Variants in RBMS3 observed in about 807,000 individuals in gnomAD.
RBMS3 encodes RNA binding motif single stranded interacting protein 3.
Under a neutral mutation model 66.8 loss-of-function variants are expected in RBMS3, and 27 were observed. The ratio of observed to expected loss-of-function variants is 0.40; its 90% CI spans 0.30 to 0.56. The LOEUF is 0.56. Among genes scored for constraint, RBMS3 ranks in the 20% least tolerant of loss-of-function variants. The pLI, the probability that RBMS3 is intolerant of heterozygous loss-of-function variation, is 0.40. For synonymous variants in RBMS3, 188 were observed against 183.0 expected, an observed-to-expected ratio of 1.03 and a Z score of -0.22; for missense variants, 513 against 549.5, an observed-to-expected ratio of 0.93 and a Z score of 0.66.
chr3:29,662,332 G>A (rs139197482), intron 4 of RBMS3, among the ~76,000 whole-genome samples: 180 of 152,196 alleles, frequency 1.2e-3, no homozygotes, highest in African/African-American at 4.1e-3. Context: ...CCTGTTTATA[G>A]ACACTGAAAA....
At chr3:29,626,147 A>G (rs2049054267) in intron 4 of RBMS3, among the ~76,000 whole-genome samples, 1 of 152,230 alleles carries the variant, frequency 6.6e-6, no homozygotes, top group Non-Finnish European at 1.5e-5. Context: ...ACAATGCATC[A>G]TGTAGTAAAA....
At chr3:29,456,714 T>G (rs1051102363) in intron 2 of RBMS3, among the ~76,000 whole-genome samples, 2 of 144,268 alleles carry the variant, frequency 1.4e-5, no homozygotes, top group Non-Finnish European at 3.1e-5. Context: ...CATGAGTACT[T>G]GTGGGAACTA....
intron 3 of RBMS3, among the ~76,000 whole-genome samples, chr3:29,558,195 A>T (rs970055910): frequency 1.3e-5 from 2 of 152,230 alleles, no homozygotes; most frequent in African/African-American, 4.8e-5. Context: ...AACAGAAGAA[A>T]GTAATAAAAG....
At chr3:29,837,959 C>T (rs1231624680) in intron 6 of RBMS3, among the ~76,000 whole-genome samples, 1 of 151,188 alleles carries the variant, frequency 6.6e-6, no homozygotes, top group Non-Finnish European at 1.5e-5. Context: ...GCTTATGTTA[C>T]AGAGTAGGTT....
chr3:29,821,173 G>C (rs764136689), intron 6 of RBMS3, among the ~76,000 whole-genome samples: 42 of 152,202 alleles, frequency 2.8e-4, no homozygotes, highest in Non-Finnish European at 5.0e-4. Context: ...TTTAGAGTAA[G>C]TTTTCATATA....
chr3:29,899,217 A>G (rs1339820211), intron 9 of RBMS3, among the ~76,000 whole-genome samples: 2 of 151,638 alleles, frequency 1.3e-5, no homozygotes, highest in East Asian at 3.9e-4. Context: ...AACTGCCCCA[A>G]ATTTTTGGTT....
chr3:29,915,105 T>C (rs1179436630), intron 10 of RBMS3, among the ~76,000 whole-genome samples: 2 of 151,770 alleles, frequency 1.3e-5, no homozygotes, highest in African/African-American at 4.8e-5. Flanking sequence ...TTATAAACCC[T>C]ACACTATTAT....
chr3:29,847,644 TA>T lies in RBMS3; in HGVS notation c.638-21213del, dbSNP rs368902294. Among the ~76,000 whole-genome samples, 995 of 148,538 alleles carry T rather than the reference TA, an allele frequency of 6.7e-3. 17 individuals are homozygous for T. The highest frequency in any genetic ancestry group is 0.037 in the Admixed American group (559 of 15,192). On this transcript the variant is annotated intron_variant, in intron 6 of 14. Coordinates refer to ENST00000383767, the MANE Select transcript of RBMS3 (RefSeq NM_001003793.3). ...TCTGGGCCACTCCAATTTTGTGTTT[TA>T]TTTTTTTTTTTTTATTTTTTATTTT...
chr3:29,542,367 T>TG lies in RBMS3; in HGVS notation c.308-44747_308-44746insG, dbSNP rs796870116. 9.6e-4 allele frequency among the ~76,000 whole-genome samples: 146 copies of TG among 152,010 alleles called. 1 individual carries two copies. Among genetic ancestry groups the TG allele is most frequent in the African/African-American group, 3.4e-3 (141 of 41,362 alleles). On this transcript the variant is annotated intron_variant, in intron 3 of 14. Transcript: ENST00000383767. ...TCAAGAATTATCATCTCCAATTTTT[T>TG]TTTGTTTGTTTGAGAAAGAGTCTCA...
chr3:29,463,545 C>T (rs542629012), intron 2 of RBMS3, among the ~76,000 whole-genome samples: 5 of 148,460 alleles, frequency 3.4e-5, no homozygotes, highest in Non-Finnish European at 5.9e-5. Context: ...CATGGTCCTT[C>T]GGTTACAAAA....
intron 3 of RBMS3, among the ~76,000 whole-genome samples, chr3:29,542,889 T>C (rs2045817766): frequency 6.6e-6 from 1 of 152,222 alleles, no homozygotes. Flanking sequence ...TAAAATACTG[T>C]TCACCATCCT....
At chr3:29,893,430 G>A (rs752292633) in intron 8 of RBMS3, among the ~76,000 whole-genome samples, 12 of 151,340 alleles carry the variant, frequency 7.9e-5, no homozygotes, top group African/African-American at 2.2e-4. Context: ...TCCAATTGGC[G>A]CATTTTACAA....
intron 4 of RBMS3, among the ~76,000 whole-genome samples, chr3:29,611,727 T>C (rs2149134469): frequency 6.6e-6 from 1 of 152,126 alleles, no homozygotes; most frequent in African/African-American, 2.4e-5. Context: ...TTGTTGCACA[T>C]TTTGTATATT....
chr3:29,532,067 A>G (rs2045370436), intron 3 of RBMS3, among the ~76,000 whole-genome samples: 1 of 151,838 alleles, frequency 6.6e-6, no homozygotes, highest in African/African-American at 2.4e-5. Flanking sequence ...GCAGCCATTC[A>G]ATACATGTCA....
intron 1 of RBMS3, among the ~76,000 whole-genome samples, chr3:29,318,143 T>C (rs2034798646): frequency 6.6e-6 from 1 of 151,912 alleles, no homozygotes; most frequent in Non-Finnish European, 1.5e-5. Flanking sequence ...ATCAATCTAA[T>C]TAGAAAAAGC....
chr3:29,477,661 A>G (rs2042993866), intron 2 of RBMS3, among the ~76,000 whole-genome samples: 1 of 151,658 alleles, frequency 6.6e-6, no homozygotes, highest in Non-Finnish European at 1.5e-5. Flanking sequence ...CATAACCACA[A>G]TTAAAATTAG....
At chr3:29,414,389 A>G (rs2040395478) in intron 1 of RBMS3, among the ~76,000 whole-genome samples, 2 of 152,218 alleles carry the variant, frequency 1.3e-5, no homozygotes, top group Admixed American at 1.3e-4. Flanking sequence ...CTCTAAAAAT[A>G]ACCACCAAGG....
At chr3:29,523,080 G>C (rs1386899241) in intron 3 of RBMS3, among the ~76,000 whole-genome samples, 1 of 152,198 alleles carries the variant, frequency 6.6e-6, no homozygotes, top group Non-Finnish European at 1.5e-5. Flanking sequence ...CAATATTCCA[G>C]ATGGGGAAAC....
At chr3:29,417,440 T>C (rs2040525140) in intron 1 of RBMS3, among the ~76,000 whole-genome samples, 1 of 152,120 alleles carries the variant, frequency 6.6e-6, no homozygotes, top group African/African-American at 2.4e-5. Context: ...TCAACTTTTA[T>C]GGTGTTCTCC....
Sources: gnomAD v4.1 joint callset for allele counts (sites outside exome capture counted in the v4.1 genomes callset) on GRCh38, gnomAD v4.1.1 for gene constraint, MANE v1.5 for transcripts, NCBI Gene and HGNC (gene_info 2026-07-23, HGNC 2026-07-21) for gene names.